KIAA0825: variants seen among roughly 807,000 people sequenced by gnomAD.
KIAA0825 encodes KIAA0825, also known as uncharacterized protein KIAA0825.
KIAA0825 carries 119 observed loss-of-function variants against 147.6 expected under a neutral mutation model. The observed-to-expected ratio is 0.81, with a 90% CI of 0.69 to 0.94. The LOEUF (loss-of-function observed/expected upper bound fraction) is 0.94. Among genes scored for constraint, KIAA0825 ranks in the 40% least tolerant of loss-of-function variants. The pLI, the probability that KIAA0825 is intolerant of heterozygous loss-of-function variation, is 0.00. For synonymous variants in KIAA0825, 470 were observed against 518.1 expected (o/e 0.91, Z 1.26); for missense variants, 1,381 against 1,472.7 (o/e 0.94, Z 1.02).
chr5:94,523,249 C>CA (rs113862410), intron 4 of KIAA0825, among the ~76,000 whole-genome samples: 22 of 151,680 alleles, frequency 1.5e-4, no homozygotes, highest in African/African-American at 4.3e-4. Flanking sequence ...ACCATAGCTA[C>CA]AGAAGTACTG....
At chr5:94,584,394 C>A (rs1358989639) in intron 1 of KIAA0825, among the ~76,000 whole-genome samples, 1 of 152,138 alleles carries the variant, frequency 6.6e-6, no homozygotes, top group Non-Finnish European at 1.5e-5. Flanking sequence ...GTGAAGCATA[C>A]ACAAGCTTCA....
intron 16 of KIAA0825, among the ~76,000 whole-genome samples, chr5:94,402,183 G>C (rs936319871): frequency 1.3e-5 from 2 of 152,080 alleles, no homozygotes; most frequent in Non-Finnish European, 2.9e-5. Flanking sequence ...TTAACAACTG[G>C]TATCTATAAG....
chr5:94,456,495 A>G (rs1435340253), intron 12 of KIAA0825, among the ~76,000 whole-genome samples: 1 of 152,102 alleles, frequency 6.6e-6, no homozygotes, highest in Non-Finnish European at 1.5e-5. Context: ...TCTGCTCCAT[A>G]CCACAAGGGT....
chr5:94,211,358 T>C (rs1360191340), intron 20 of KIAA0825, among the ~76,000 whole-genome samples: 3 of 151,688 alleles, frequency 2.0e-5, no homozygotes, highest in Non-Finnish European at 4.4e-5. Context: ...ACAAACTCTT[T>C]GTGGTTTTAT....
chr5:94,479,858 A>G (rs1330496671), intron 6 of KIAA0825, among the ~76,000 whole-genome samples: 6 of 152,112 alleles, frequency 3.9e-5, no homozygotes, highest in Non-Finnish European at 5.9e-5. Flanking sequence ...ATCTTTTCAT[A>G]TGCTTATTTG....
At chr5:94,372,660 C>T (rs1746891385) in intron 20 of KIAA0825, among the ~76,000 whole-genome samples, 1 of 152,204 alleles carries the variant, frequency 6.6e-6, no homozygotes. Context: ...TTTTTCCCTT[C>T]TGGGTCTCCA....
intron 20 of KIAA0825, among the ~76,000 whole-genome samples, chr5:94,274,740 T>C (rs1777145573): frequency 6.6e-6 from 1 of 152,184 alleles, no homozygotes; most frequent in Admixed American, 6.6e-5. Flanking sequence ...TCTCTTTACT[T>C]CACTGTAGCT....
intron 20 of KIAA0825, among the ~76,000 whole-genome samples, chr5:94,339,761 T>C (rs1183821079): frequency 1.3e-5 from 2 of 152,314 alleles, no homozygotes; most frequent in East Asian, 3.9e-4. Flanking sequence ...CTTATACAAT[T>C]AGGACATGTA....
intron 14 of KIAA0825, among the ~76,000 whole-genome samples, chr5:94,434,265 G>A (rs1209762988): frequency 1.3e-5 from 2 of 152,170 alleles, no homozygotes; most frequent in Non-Finnish European, 2.9e-5. Context: ...ATTTTATACA[G>A]AGAGGATTAT....
chr5:94,289,579 T>A (rs1227882443), intron 20 of KIAA0825, among the ~76,000 whole-genome samples: 1 of 150,972 alleles, frequency 6.6e-6, no homozygotes, highest in Non-Finnish European at 1.5e-5. Flanking sequence ...AAACCTACAT[T>A]TGGGAAAAAA....
intron 20 of KIAA0825, among the ~76,000 whole-genome samples, chr5:94,344,806 C>T (rs1378904730): frequency 6.6e-6 from 1 of 152,046 alleles, no homozygotes; most frequent in Non-Finnish European, 1.5e-5. Context: ...AGAAATATGC[C>T]CAGTCACAGA....
chr5:94,566,254 A>G lies in KIAA0825; in HGVS notation c.-2+16179T>C, dbSNP rs188142977. On this transcript the variant is annotated intron_variant, in intron 2 of 20. Transcript: ENST00000682413. ...AATATATCTAGGAAGCACTTAGAAAAGGGGAAACTGAACGTGAGAAGGAGG... is the reference window on the plus strand; with the variant it reads ...AATATATCTAGGAAGCACTTAGAAAGGGGGAAACTGAACGTGAGAAGGAGG... Among the ~76,000 whole-genome samples the G allele has an allele frequency of 2.1e-4, 32 of 152,308 alleles. No individual in the cohort carries two copies. In the East Asian group the frequency reaches 6.0e-3, roughly 28 times the overall value.
chr5:94,176,999 G>A (rs1038924282), intron 20 of KIAA0825, among the ~76,000 whole-genome samples: 1 of 152,008 alleles, frequency 6.6e-6, no homozygotes, highest in Non-Finnish European at 1.5e-5. Flanking sequence ...TTACTACACA[G>A]TATCCCCACC....
In KIAA0825 at chr5:94,384,465, G is replaced by A; in HGVS notation, c.3620-7C>T. 6.5e-7 allele frequency: 1 copy of A among 1,546,750 alleles called. No individual in the cohort carries two copies. Among genetic ancestry groups the A allele is most frequent in the Non-Finnish European group, 8.8e-7 (1 of 1,142,340 alleles). On this transcript the variant is annotated splice_region_variant and splice_polypyrimidine_tract_variant and intron_variant, in intron 19 of 20. Transcript: ENST00000682413. ...CAGTTCCATTTTGTGATGGCTGACT[G>A]TTGATAAATGAGAAGACACTATTGT...
chr5:94,235,131 GA>G (rs1247709146), intron 20 of KIAA0825, among the ~76,000 whole-genome samples: 1 of 152,088 alleles, frequency 6.6e-6, no homozygotes, highest in Non-Finnish European at 1.5e-5. Context: ...TCAAAAGCTA[GA>G]AATGATTAAG....
At chr5:94,477,684 G>A (rs946300134) in intron 6 of KIAA0825, among the ~76,000 whole-genome samples, 3 of 152,006 alleles carry the variant, frequency 2.0e-5, no homozygotes, top group Admixed American at 6.5e-5. Context: ...TCAGCATAAC[G>A]AGAAAAATTA....
At chr5:94,237,651 ATGGACTCCATATCT>A (rs1775126620) in intron 20 of KIAA0825, among the ~76,000 whole-genome samples, 1 of 152,146 alleles carries the variant, frequency 6.6e-6, no homozygotes, top group African/African-American at 2.4e-5. Context: ...AGGCTCTTTG[ATGGACTCCATATCT>A]TGGACTCTAT....
At chr5:94,333,546 G>A (rs1335966605) in intron 20 of KIAA0825, among the ~76,000 whole-genome samples, 1 of 152,102 alleles carries the variant, frequency 6.6e-6, no homozygotes, top group African/African-American at 2.4e-5. Context: ...TAGATGTGTG[G>A]TGTTATTTCT....
At chr5:94,498,602 AC>A (rs1764655395) in intron 5 of KIAA0825, among the ~76,000 whole-genome samples, 1 of 152,122 alleles carries the variant, frequency 6.6e-6, no homozygotes, top group African/African-American at 2.4e-5. Flanking sequence ...TTTAATTAAC[AC>A]CCTTCCCTTT....
Sources: gnomAD v4.1 joint callset for allele counts (sites outside exome capture counted in the v4.1 genomes callset) on GRCh38, gnomAD v4.1.1 for gene constraint, MANE v1.5 for transcripts, NCBI Gene and HGNC (gene_info 2026-07-23, HGNC 2026-07-21) for gene names.